Variants in CBLN2 observed in about 807,000 individuals in gnomAD.
The protein encoded by CBLN2 is cerebellin-2.
Under a neutral mutation model 15.0 loss-of-function variants are expected in CBLN2, and 7 were observed. The ratio of observed to expected loss-of-function variants is 0.47; its 90% confidence interval spans 0.27 to 0.88. The LOEUF (loss-of-function observed/expected upper bound fraction) is 0.88. Ranked by LOEUF, CBLN2 falls within the 40% of genes least tolerant of loss-of-function variation. The probability of loss-of-function intolerance (pLI) is 0.14; values close to 1 mark genes in which losing one functional copy is unlikely to be tolerated. For synonymous variants in CBLN2, 149 were observed against 135.2 expected, an observed-to-expected ratio of 1.10 and a Z score of -0.71; for missense variants, 242 against 304.5, an observed-to-expected ratio of 0.79 and a Z score of 1.53.
chr18:72,566,775 C>T (rs1208726097), intron 1 of CBLN2, among the ~76,000 whole-genome samples: 12 of 152,046 alleles, frequency 7.9e-5, no homozygotes, highest in Admixed American at 7.9e-4. Flanking sequence ...TTCAAAATAA[C>T]TGAAAGAGAG....
intron 1 of CBLN2, among the ~76,000 whole-genome samples, chr18:72,629,235 A>G (rs1365122334): frequency 6.6e-6 from 1 of 152,220 alleles, no homozygotes; most frequent in African/African-American, 2.4e-5. Context: ...TGTTTCAACT[A>G]TACTAACAAC....
At chr18:72,610,774 T>C (rs2069616316) in intron 1 of CBLN2, among the ~76,000 whole-genome samples, 1 of 152,204 alleles carries the variant, frequency 6.6e-6, no homozygotes, top group African/African-American at 2.4e-5. Context: ...TTATTTTAGA[T>C]TGGGGGTACA....
chr18:72,551,112 T>C (rs1365438967), intron 1 of CBLN2, among the ~76,000 whole-genome samples: 1 of 152,118 alleles, frequency 6.6e-6, no homozygotes, highest in Non-Finnish European at 1.5e-5. Flanking sequence ...ATAGCATCTT[T>C]ACTTTTTGAG....
rs10432248 is a variant in CBLN2 at position 72,575,538 on chromosome 18, G to A, written c.16-36766C>T. Among the ~76,000 whole-genome samples the A allele has an allele frequency of 0.036, 5,539 of 152,204 alleles. 731 individuals carry two copies. In the East Asian group the frequency reaches 0.5, roughly 14 times the overall value. Reference sequence around the variant, plus strand: ...CGTGGTGTGATCTGAGTGCAGCAGTGAGAAGGGAGGTCCATTTCTCCAGGT... The same window carrying A: ...CGTGGTGTGATCTGAGTGCAGCAGTAAGAAGGGAGGTCCATTTCTCCAGGT... On this transcript the variant is annotated intron_variant, in intron 1 of 2. Coordinates refer to the CBLN2 transcript ENST00000581073.
chr18:72,603,905 TG>T (rs1252478077), intron 1 of CBLN2, among the ~76,000 whole-genome samples: 1 of 152,214 alleles, frequency 6.6e-6, no homozygotes, highest in Admixed American at 6.5e-5. Context: ...GGAACTCACT[TG>T]TTCTAACTAA....
chr18:72,637,532 T>C (rs751976214), intron 1 of CBLN2, among the ~76,000 whole-genome samples: 6 of 152,168 alleles, frequency 3.9e-5, no homozygotes, highest in Non-Finnish European at 7.3e-5. Context: ...CCATGTCACA[T>C]GTGAATGAAC....
chr18:72,613,821 T>G (rs1201793634), intron 1 of CBLN2, among the ~76,000 whole-genome samples: 4 of 152,202 alleles, frequency 2.6e-5, no homozygotes, highest in African/African-American at 9.6e-5. Context: ...GCTTGTTGAC[T>G]CAGGAAGTGA....
intron 1 of CBLN2, among the ~76,000 whole-genome samples, chr18:72,595,970 C>T (rs570339308): frequency 6.6e-6 from 1 of 152,012 alleles, no homozygotes; most frequent in Admixed American, 6.6e-5. Flanking sequence ...ATTTTTGTAT[C>T]CTTTCAGCCA....
intron 1 of CBLN2, among the ~76,000 whole-genome samples, chr18:72,631,616 C>A (rs17357210): frequency 0.071 from 10,791 of 152,116 alleles, 628 homozygotes; most frequent in Admixed American, 0.2. Context: ...AACAGTGTCA[C>A]ATCTCAACTG....
chr18:72,548,419 A>T (rs1361032072), upstream of CBLN2, among the ~76,000 whole-genome samples: 6 of 152,206 alleles, frequency 3.9e-5, no homozygotes, highest in Non-Finnish European at 8.8e-5. Flanking sequence ...AAAATAGAAC[A>T]TCCAAAGGGA....
At chr18:72,568,752 G>A (rs983485728) in intron 1 of CBLN2, among the ~76,000 whole-genome samples, 1 of 152,104 alleles carries the variant, frequency 6.6e-6, no homozygotes, top group Non-Finnish European at 1.5e-5. Flanking sequence ...TGTGATGTTA[G>A]GTCCATGGCT....
chr18:72,559,416 A>G (rs2069246308), intron 1 of CBLN2, among the ~76,000 whole-genome samples: 1 of 152,270 alleles, frequency 6.6e-6, no homozygotes, highest in Admixed American at 6.5e-5. Context: ...GGCCTGTGCC[A>G]GGCTCAGAGC....
chr18:72,540,754 A>AGT (rs1246702966), intron 3 of CBLN2, among the ~76,000 whole-genome samples: 14 of 152,186 alleles, frequency 9.2e-5, no homozygotes, highest in Non-Finnish European at 1.9e-4. Flanking sequence ...TAGAGTCAAG[A>AGT]GTGTGTGTGT....
intron 1 of CBLN2, among the ~76,000 whole-genome samples, chr18:72,603,958 AG>A (rs1345211721): frequency 2.0e-5 from 3 of 152,202 alleles, no homozygotes; most frequent in Non-Finnish European, 4.4e-5. Context: ...AGTCTACGCT[AG>A]GAGCTCTCTG....
In CBLN2 at chr18:72,538,716, C is replaced by G. The variant is rs771943029; in HGVS notation, c.414G>C (p.Pro138=). 8.1e-6 allele frequency: 13 copies of G among 1,613,850 alleles called. No individual in the cohort carries two copies. The highest frequency in any genetic ancestry group is 1.1e-5 in the South Asian group (1 of 91,074). Reference sequence around the variant, plus strand: ...AGCTGAAGCTATAAATCCCTTTTCTCGGTGCTACAAATATACTGGAAGCAA... The same window carrying G: ...AGCTGAAGCTATAAATCCCTTTTCTGGGTGCTACAAATATACTGGAAGCAA... ...FDLASSIFVA[P]RKGIYSFSFH... is the part of the protein sequence containing the mutation. Residue 138 remains proline, a synonymous_variant, in exon 4 of 5, where the codon CCG becomes CCC. Transcript: ENST00000269503.
intron 1 of CBLN2, among the ~76,000 whole-genome samples, chr18:72,567,190 G>A (rs937193630): frequency 6.6e-6 from 1 of 152,136 alleles, no homozygotes; most frequent in Non-Finnish European, 1.5e-5. Context: ...CACAGTGTGT[G>A]CATGCATTGA....
rs182960190 is a variant in CBLN2, at chr18:72,583,799, T to A, written c.16-45027A>T. Among the ~76,000 whole-genome samples, 191 of 152,320 alleles carry A rather than the reference T, an allele frequency of 1.3e-3. 1 individual carries two copies. Among genetic ancestry groups the A allele is most frequent in the African/African-American group, 4.3e-3 (180 of 41,580 alleles). ...AAACCTTTGCTACATGTTAGAATCA[T>A]GGCCTGGCCATCCCACTCCTGGCAT... is the stretch of plus-strand genomic sequence containing the variant. On this transcript the variant is annotated intron_variant, in intron 1 of 2. Coordinates refer to the CBLN2 transcript ENST00000581073.
At chr18:72,603,141 C>T (rs2069560322) in intron 1 of CBLN2, among the ~76,000 whole-genome samples, 1 of 152,234 alleles carries the variant, frequency 6.6e-6, no homozygotes, top group African/African-American at 2.4e-5. Flanking sequence ...CCATTTCTTT[C>T]CTCTGTCCTG....
intron 1 of CBLN2, among the ~76,000 whole-genome samples, chr18:72,622,535 A>G (rs192656862): frequency 2.7e-4 from 41 of 152,194 alleles, no homozygotes; most frequent in Non-Finnish European, 4.6e-4. Context: ...AATTTGCTCA[A>G]ATTTCTAGTG....
Sources: allele counts gnomAD v4.1 joint callset (sites outside exome capture counted in the v4.1 genomes callset), GRCh38; gene constraint gnomAD v4.1.1; transcripts MANE v1.5; gene names NCBI Gene and HGNC (gene_info 2026-07-23, HGNC 2026-07-21).